Variants in EPM2A observed in about 807,000 individuals in gnomAD.
The protein encoded by EPM2A is EPM2A glucan phosphatase, laforin.
Under a neutral mutation model 26.5 loss-of-function variants are expected in EPM2A, and 21 were observed. The observed-to-expected ratio is 0.79, with a 90% CI of 0.56 to 1.14. EPM2A has a LOEUF of 1.14. EPM2A is among the 50% of genes most tolerant of loss of function. The pLI is 0.00. For missense variants in EPM2A, 458 were observed against 440.8 expected (o/e 1.04, Z -0.35); for synonymous variants, 217 against 177.6 (o/e 1.22, Z -1.76).
rs566501159 is a variant in EPM2A at position 145,699,877 on chromosome 6, G to C, written c.302-13581C>G. Among the ~76,000 whole-genome samples the C allele has an allele frequency of 1.1e-3, 166 of 152,224 alleles. 2 individuals are homozygous for C. The highest frequency in any genetic ancestry group is 3.4e-3 in the Admixed American group (52 of 15,290). Reference sequence around the variant, plus strand: ...ATTTCAAAATAGGAAGCATTTCAAAGGTTGTAGATTATGCTGAAAAAATTC... The same window carrying C: ...ATTTCAAAATAGGAAGCATTTCAAACGTTGTAGATTATGCTGAAAAAATTC... On this transcript the variant is annotated intron_variant, in intron 1 of 3. Transcript: ENST00000367519.
At chr6:145,536,242 G>C (rs1780428173) in intron 2 of EPM2A, among the ~76,000 whole-genome samples, 1 of 146,362 alleles carries the variant, frequency 6.8e-6, no homozygotes, top group Admixed American at 6.8e-5. Flanking sequence ...CCTTCCCCAG[G>C]TTGGTTTTTT....
intron 4 of EPM2A, among the ~76,000 whole-genome samples, chr6:145,398,765 C>T (rs564313351): frequency 5.3e-5 from 8 of 150,302 alleles, no homozygotes; most frequent in East Asian, 2.0e-4. Context: ...GAGGCTGAGG[C>T]GGGAGAATCA....
rs755339527 is a variant in EPM2A at position 145,735,262 on chromosome 6, G to A, written c.237C>T (p.Gly79=). Residue 79 remains glycine (G), a synonymous_variant, in exon 1 of 4, where the codon GGC becomes GGT. Transcript: ENST00000367519. ...ACTTGTACCAGAACGTGTCCACGCGGCCCGGCTCCGCCCCGTCCTGCGCCG... is the reference window on the plus strand; with the variant it reads ...ACTTGTACCAGAACGTGTCCACGCGACCCGGCTCCGCCCCGTCCTGCGCCG... ...EEAAQDGAEP[G]RVDTFWYKFL... 11 of 1,517,036 alleles carry A rather than the reference G, an allele frequency of 7.3e-6. No individual in the cohort carries two copies. In the Admixed American group the frequency reaches 1.6e-4, roughly 22 times the overall value. The allele number at this position is 1,517,036 out of a possible 1,614,324, so 94.0% of individuals were successfully genotyped here.
chr6:145,484,747 T>C (rs551744305), intron 4 of EPM2A, among the ~76,000 whole-genome samples: 1 of 152,018 alleles, frequency 6.6e-6, no homozygotes, highest in South Asian at 2.1e-4. Context: ...AATCATCGTA[T>C]CTCAGGTTTT....
intron 4 of EPM2A, among the ~76,000 whole-genome samples, chr6:145,493,621 G>A (rs985648789): frequency 6.6e-5 from 10 of 152,134 alleles, no homozygotes; most frequent in South Asian, 6.2e-4. Context: ...GTTGGCTGTC[G>A]GTTTGTCATA....
chr6:145,542,834 C>T (rs1422651182), intron 2 of EPM2A, among the ~76,000 whole-genome samples: 1 of 152,188 alleles, frequency 6.6e-6, no homozygotes, highest in East Asian at 1.9e-4. Context: ...TCTCGGCTCA[C>T]CGCAACCTCT....
chr6:145,409,327 T>G (rs1778612517), intron 4 of EPM2A, among the ~76,000 whole-genome samples: 1 of 152,126 alleles, frequency 6.6e-6, no homozygotes, highest in African/African-American at 2.4e-5. Flanking sequence ...GGGTACAATA[T>G]TTTATTCTTT....
chr6:145,663,670 A>G (rs2128590589), intron 2 of EPM2A, among the ~76,000 whole-genome samples: 1 of 147,096 alleles, frequency 6.8e-6, no homozygotes, highest in African/African-American at 2.5e-5. Flanking sequence ...AGAACGCCAC[A>G]AAGATACTCC....
intron 3 of EPM2A, chr6:145,628,056 A>T: frequency 4.0e-6 from 1 of 251,348 alleles, no homozygotes. Context: ...ATTTTAGAGG[A>T]TTCAAAAAAA....
chr6:145,395,022 C>T lies in EPM2A; in HGVS notation c.556-10925G>A, dbSNP rs574077469. On this transcript the variant is annotated intron_variant, in intron 4 of 4. Transcript: ENST00000638717. Reference sequence around the variant, plus strand: ...TTGAGGGACACAAGGTCTCTAAAGACAAGCTACAGTTTTGTCAGAATTCTA... The same window carrying T: ...TTGAGGGACACAAGGTCTCTAAAGATAAGCTACAGTTTTGTCAGAATTCTA... Among the ~76,000 whole-genome samples, 14 of 152,282 alleles carry T rather than the reference C, an allele frequency of 9.2e-5. No individual in the cohort carries two copies. The East Asian group carries it at 2.5e-3, about 27-fold the overall frequency.
At chr6:145,411,031 A>G (rs7773601) in intron 4 of EPM2A, among the ~76,000 whole-genome samples, 141,105 of 152,236 alleles carry the variant, frequency 0.93, 65,528 homozygotes, top group East Asian at 1. Flanking sequence ...ATGAGATAAA[A>G]GAAGCTAATG....
At chr6:145,556,058 A>G (rs923547650) in intron 2 of EPM2A, among the ~76,000 whole-genome samples, 18 of 152,154 alleles carry the variant, frequency 1.2e-4, no homozygotes, top group African/African-American at 2.9e-4. Flanking sequence ...TTCTCTGCTT[A>G]TATTTGTGTT....
chr6:145,603,870 C>T lies in EPM2A; in HGVS notation c.340+31375G>A, dbSNP rs571926278. On this transcript the variant is annotated intron_variant, in intron 2 of 3. Coordinates refer to the EPM2A transcript ENST00000450221. ...CTTACTTAACTTCTTTGAGAGTCCA[C>T]GTTTTTTTATTTGTAAAGAAGCTAT... 1.6e-4 allele frequency among the ~76,000 whole-genome samples: 25 copies of T among 152,212 alleles called. No homozygotes were observed. The South Asian group carries it at 4.1e-3, about 25-fold the overall frequency.
At chr6:145,634,243 GTAGT>G (rs1776480299) in intron 3 of EPM2A, among the ~76,000 whole-genome samples, 1 of 152,082 alleles carries the variant, frequency 6.6e-6, no homozygotes, top group Non-Finnish European at 1.5e-5. Flanking sequence ...TCTGCCGACT[GTAGT>G]TATCTCTACT....
chr6:145,469,031 C>T (rs1779437146), intron 4 of EPM2A, among the ~76,000 whole-genome samples: 1 of 152,026 alleles, frequency 6.6e-6, no homozygotes, highest in Admixed American at 6.6e-5. Context: ...TAAAGAACTG[C>T]CTGAGACTGA....
At chr6:145,686,338 GT>G in intron 1 of EPM2A, 42 bp from the exon 2 acceptor site, 1 of 1,536,366 alleles carries the variant, frequency 6.5e-7, no homozygotes, top group Non-Finnish European at 9.0e-7. Flanking sequence ...TTAAATCAGT[GT>G]TTTGTTTAAA....
intron 4 of EPM2A, among the ~76,000 whole-genome samples, chr6:145,399,961 A>G (rs2114665657): frequency 6.6e-6 from 1 of 152,278 alleles, no homozygotes; most frequent in Non-Finnish European, 1.5e-5. Context: ...TATGTTCTGT[A>G]TAACTATTAC....
At chr6:145,519,714 G>T (rs1780178219) in intron 2 of EPM2A, among the ~76,000 whole-genome samples, 1 of 152,104 alleles carries the variant, frequency 6.6e-6, no homozygotes, top group Non-Finnish European at 1.5e-5. Flanking sequence ...TCAGACTTTT[G>T]AAGATTGTAA....
intron 2 of EPM2A, among the ~76,000 whole-genome samples, chr6:145,654,923 T>TA (rs1289765519): frequency 9.8e-5 from 15 of 152,332 alleles, no homozygotes; most frequent in South Asian, 8.3e-4. Context: ...ACTTTTTTTT[T>TA]ACCGATGATA....
Sources: allele counts gnomAD v4.1 joint callset (sites outside exome capture counted in the v4.1 genomes callset), GRCh38; gene constraint gnomAD v4.1.1; transcripts MANE v1.5; gene names NCBI Gene and HGNC (gene_info 2026-07-23, HGNC 2026-07-21).